TCF7: variants seen among roughly 807,000 people sequenced by gnomAD.
TCF7 encodes the protein T-cell-factor-7.
A neutral mutation model predicts 46.8 loss-of-function variants in TCF7; 19 were observed. The ratio of observed to expected loss-of-function variants is 0.41; its 90% CI spans 0.28 to 0.60. The LOEUF is 0.60. Ranked by LOEUF, TCF7 falls within the 20% of genes least tolerant of loss-of-function variation. The pLI, the probability that TCF7 is intolerant of heterozygous loss-of-function variation, is 0.35. For missense variants in TCF7, 547 were observed against 504.6 expected (o/e 1.08, Z -0.81); for synonymous variants, 245 against 213.4 (o/e 1.15, Z -1.29).
At chr5:134,113,908 C>T (rs1209967967), upstream of TCF7, among the ~76,000 whole-genome samples, 1 of 152,210 alleles carries the variant, frequency 6.6e-6, no homozygotes, top group Non-Finnish European at 1.5e-5. Context: ...CCCGCGCCCA[C>T]GTGGCTGCCC....
rs188992526 is a variant in TCF7, at chr5:134,121,859, G to A, written c.441+5826G>A. On this transcript the variant is annotated intron_variant, in intron 3 of 9. Transcript: ENST00000342854. ...ATGGGGTCAAGAGGCAGGAAGAGTC[G>A]AGGCGTTTTGCTTCCCTGGTGCCCC... Among the ~76,000 whole-genome samples, 8 of 152,276 alleles carry A rather than the reference G, an allele frequency of 5.3e-5. No individual in the cohort carries two copies. In the East Asian group the frequency reaches 1.4e-3, roughly 26 times the overall value.
At chr5:134,121,457 G>A (rs571001685) in intron 3 of TCF7, among the ~76,000 whole-genome samples, 13 of 152,012 alleles carry the variant, frequency 8.6e-5, no homozygotes, top group East Asian at 1.9e-4. Flanking sequence ...GGTGGCACAC[G>A]CCTGTAATCC....
At chr5:134,120,374 C>T (rs1010333905) in intron 3 of TCF7, among the ~76,000 whole-genome samples, 4 of 152,298 alleles carry the variant, frequency 2.6e-5, no homozygotes, top group Middle Eastern at 3.4e-3. Flanking sequence ...GATCACATCT[C>T]TCACCTGATG....
chr5:134,144,945 G>A (rs1760468098), intron 9 of TCF7: 1 of 1,324,318 alleles, frequency 7.6e-7, no homozygotes, highest in Admixed American at 1.8e-5. Flanking sequence ...CACTGGGCCT[G>A]CAGCCCACTC....
upstream of TCF7, among the ~76,000 whole-genome samples, chr5:134,110,330 A>T (rs1755312938): frequency 6.6e-6 from 1 of 152,196 alleles, no homozygotes. Context: ...CCCACAGAAG[A>T]GTCCTTCCTT....
intron 3 of TCF7, among the ~76,000 whole-genome samples, chr5:134,122,882 G>T (rs1339023485): frequency 2.6e-5 from 4 of 152,220 alleles, no homozygotes; most frequent in Non-Finnish European, 5.9e-5. Flanking sequence ...CCAGATCAGG[G>T]AAGGGACTTA....
At chr5:134,118,454 C>T (rs1166207956) in intron 3 of TCF7, among the ~76,000 whole-genome samples, 4 of 152,222 alleles carry the variant, frequency 2.6e-5, no homozygotes, top group East Asian at 3.8e-4. Flanking sequence ...CAGGGAAAGC[C>T]TATACCAGGG....
At chr5:134,143,315 C>T (rs552550380) in intron 8 of TCF7, 71 of 767,492 alleles carry the variant, frequency 9.3e-5, no homozygotes, top group African/African-American at 7.8e-4. Context: ...TGAGCTGTTA[C>T]CCAACATTTG....
chr5:134,132,402 C>A (rs933835294), intron 3 of TCF7, among the ~76,000 whole-genome samples: 1 of 152,202 alleles, frequency 6.6e-6, no homozygotes, highest in African/African-American at 2.4e-5. Context: ...GTACCAATAG[C>A]GACCAGCTGA....
chr5:134,143,272 A>AT (rs777504214), intron 8 of TCF7, 172 bp downstream of exon 8: 5 of 765,290 alleles, frequency 6.5e-6, no homozygotes, highest in Non-Finnish European at 6.8e-6. Context: ...ACAAGCCCAC[A>AT]TCCTATTCTC....
At chr5:134,138,278 G>A in intron 4 of TCF7, 114 bp downstream of exon 4, 1 of 862,198 alleles carries the variant, frequency 1.2e-6, no homozygotes, top group Non-Finnish European at 1.8e-6. Context: ...CTGGGGCTGT[G>A]CAAACTAAGG....
chr5:134,120,332 G>A lies in TCF7; in HGVS notation c.441+4299G>A, dbSNP rs549062569. On this transcript the variant is annotated intron_variant, in intron 3 of 9. Coordinates refer to ENST00000342854, the MANE Select transcript of TCF7 (RefSeq NM_003202.5). ...TAAATCACAGTCCAGGCTTCACGTA[G>A]CAGCCACAGGGGGCCTTTAAAAACA... is the stretch of plus-strand genomic sequence containing the variant. Among the ~76,000 whole-genome samples, 15 of 152,254 alleles carry A rather than the reference G, an allele frequency of 9.9e-5. No individual in the cohort carries two copies. The South Asian group carries it at 3.1e-3, about 32-fold the overall frequency.
intron 5 of TCF7, chr5:134,140,695 G>C (rs1351982637): frequency 2.4e-6 from 1 of 415,682 alleles, no homozygotes; most frequent in Non-Finnish European, 4.8e-6. Flanking sequence ...AGGCCCATCT[G>C]TCTCACAGGA....
At chr5:134,143,878 A>T in intron 9 of TCF7, 1 of 540,528 alleles carries the variant, frequency 1.9e-6, no homozygotes, top group Middle Eastern at 5.0e-4. Context: ...ATTGGAGTAG[A>T]TGGTGCGTTC....
At chr5:134,132,444 T>C (rs990555820) in intron 3 of TCF7, among the ~76,000 whole-genome samples, 1 of 152,250 alleles carries the variant, frequency 6.6e-6, no homozygotes, top group Non-Finnish European at 1.5e-5. Context: ...CTGTTTCTGC[T>C]GGCACAGTCC....
intron 9 of TCF7, chr5:134,145,113 C>A (rs1305770632): frequency 1.6e-6 from 1 of 643,172 alleles, no homozygotes; most frequent in Non-Finnish European, 2.9e-6. Context: ...AAAGGAAGGA[C>A]AGACTCAAGA....
At chr5:134,143,167 C>T (rs1760125333) in intron 8 of TCF7, 67 bp downstream of exon 8, 2 of 1,487,144 alleles carry the variant, frequency 1.3e-6, no homozygotes, top group South Asian at 2.4e-5. Context: ...CCCCAGGCCA[C>T]AATCTCAGTA....
At chr5:134,121,227 C>T (rs1163801431) in intron 3 of TCF7, among the ~76,000 whole-genome samples, 1 of 151,956 alleles carries the variant, frequency 6.6e-6, no homozygotes, top group Non-Finnish European at 1.5e-5. Context: ...ACTCCCCTTC[C>T]TCAGTCATGT....
rs781555508 is a variant in TCF7 at position 134,142,293 on chromosome 5, C to T, written c.744C>T (p.Phe248=). The change falls in exon 6 of 10, where the codon TTC becomes TTT. Residue 248 remains phenylalanine, a synonymous_variant. Coordinates refer to ENST00000342854, the MANE Select transcript of TCF7 (RefSeq NM_003202.5). ...PPSGKQELQP[F]DRNLKTQAES... ...CAGGGAAGCAGGAGCTGCAGCCCTTCGACCGCAACCTGTGAGTGAAAAGAC... is the reference window on the plus strand; with the variant it reads ...CAGGGAAGCAGGAGCTGCAGCCCTTTGACCGCAACCTGTGAGTGAAAAGAC... 5.5e-5 allele frequency: 88 copies of T among 1,587,418 alleles called. No individual in the cohort carries two copies. The highest frequency in any genetic ancestry group is 3.4e-5 in the Non-Finnish European group (39 of 1,163,134).
Sources: allele counts gnomAD v4.1 joint callset (sites outside exome capture counted in the v4.1 genomes callset), GRCh38; gene constraint gnomAD v4.1.1; transcripts MANE v1.5; gene names NCBI Gene and HGNC (gene_info 2026-07-23, HGNC 2026-07-21).